Variants in PLXNC1 observed in about 807,000 individuals in gnomAD.
PLXNC1 encodes the protein plexin-C1.
A neutral mutation model predicts 178.2 loss-of-function variants in PLXNC1; 75 were observed. That is an observed-to-expected ratio of 0.42 (90% confidence interval 0.35 to 0.51). The LOEUF (loss-of-function observed/expected upper bound fraction) is 0.51, where lower values mean the gene tolerates loss of function less well. Among genes scored for constraint, PLXNC1 ranks in the 20% least tolerant of loss-of-function variants. The pLI is 0.02. For synonymous variants in PLXNC1, 790 were observed against 779.9 expected (o/e 1.01, Z -0.22); for missense variants, 1,503 against 1,984.4 (o/e 0.76, Z 4.61).
chr12:94,196,407 C>T (rs1036748800), intron 4 of PLXNC1, among the ~76,000 whole-genome samples: 5 of 152,130 alleles, frequency 3.3e-5, no homozygotes, highest in African/African-American at 1.2e-4. Context: ...CACAGTCTTG[C>T]TCCCACCCTA....
At chr12:94,280,798 G>C (rs112425343) in intron 22 of PLXNC1, among the ~76,000 whole-genome samples, 1 of 152,226 alleles carries the variant, frequency 6.6e-6, no homozygotes, top group Non-Finnish European at 1.5e-5. Context: ...TGGTCCTGCC[G>C]CTGATGAGTA....
At chr12:94,280,389 T>C (rs1183838672) in intron 22 of PLXNC1, among the ~76,000 whole-genome samples, 1 of 152,212 alleles carries the variant, frequency 6.6e-6, no homozygotes, top group East Asian at 1.9e-4. Context: ...CGAGGTTCAC[T>C]TCCCCTTGAT....
rs535252510 is a variant in PLXNC1, at chr12:94,186,313, T to G, written c.1339-60T>G. On this transcript the variant is annotated intron_variant, in intron 3 of 30. Coordinates refer to ENST00000258526, the MANE Select transcript of PLXNC1 (RefSeq NM_005761.3). ...TTTTGGCCCTTCATTAGATAAGGTG[T>G]TGTAGTTTTCCTGCTGTTGCTTATA... The G allele has an allele frequency of 4.0e-5, 48 of 1,196,826 alleles. 1 individual carries two copies. The highest frequency in any genetic ancestry group is 3.9e-4 in the African/African-American group (26 of 67,052). The allele number at this position is 1,196,826 out of a possible 1,614,324, so 74.1% of individuals were successfully genotyped here. A position where few individuals can be genotyped will look rare whatever the true frequency, so the allele number is the denominator to read the frequency against.
chr12:94,248,132 G>T (rs746003299), intron 13 of PLXNC1, 26 bp downstream of exon 13: 1 of 1,602,908 alleles, frequency 6.2e-7, no homozygotes, highest in African/African-American at 1.3e-5. Context: ...TTCTGGGTGG[G>T]ATGTCACCCC....
At chr12:94,204,691 C>T (rs1014544903) in intron 4 of PLXNC1, among the ~76,000 whole-genome samples, 8 of 152,118 alleles carry the variant, frequency 5.3e-5, no homozygotes, top group African/African-American at 1.4e-4. Context: ...GAAAGTCCCC[C>T]GATTCTGGAG....
In PLXNC1 at chr12:94,243,929, T is replaced by A; in HGVS notation, c.2301-9T>A. ...ATGAAACCCTTATTGTTGCTTTTAT[T>A]CCTTGCAGTGGTGGTCAAAATATAA... On this transcript the variant is annotated splice_polypyrimidine_tract_variant and intron_variant, in intron 11 of 30. Coordinates refer to ENST00000258526, the MANE Select transcript of PLXNC1 (RefSeq NM_005761.3). The A allele has an allele frequency of 6.7e-7, 1 of 1,488,762 alleles. No homozygotes were observed. The allele number at this position is 1,488,762 out of a possible 1,614,324, so 92.2% of individuals were successfully genotyped here.
intron 22 of PLXNC1, chr12:94,282,000 T>A (rs992924745): frequency 3.2e-6 from 1 of 308,338 alleles, no homozygotes; most frequent in Non-Finnish European, 6.2e-6. Flanking sequence ...TATACAAATT[T>A]GCTTCTGGAA....
At position 94,149,380 on chromosome 12, in the gene PLXNC1, C is replaced by A. The variant is rs917413924; in HGVS notation, c.409C>A (p.Arg137=). The A allele has an allele frequency of 3.5e-6, 5 of 1,425,870 alleles. No individual in the cohort carries two copies. The highest frequency in any genetic ancestry group is 3.6e-6 in the Non-Finnish European group (4 of 1,100,560). 88.3% of individuals were successfully genotyped at this position (1,425,870 alleles called of 1,614,324 possible). Residue 137 remains arginine, a synonymous_variant, in exon 1 of 31, where the codon CGG becomes AGG. Coordinates refer to ENST00000258526, the MANE Select transcript of PLXNC1 (RefSeq NM_005761.3). Reference sequence around the variant, plus strand: ...CTTCGACCGGGGCGCCTGCGAGGTGCGGCCCCTGGGCAACCTGAGCCGCAA... The same window carrying A: ...CTTCGACCGGGGCGCCTGCGAGGTGAGGCCCCTGGGCAACCTGAGCCGCAA... ...WTFDRGACEV[R]PLGNLSRNSL... is the part of the protein sequence containing the mutation.
chr12:94,290,402 G>C (rs1200148789), intron 23 of PLXNC1, among the ~76,000 whole-genome samples: 2 of 152,264 alleles, frequency 1.3e-5, no homozygotes, highest in Non-Finnish European at 2.9e-5. Flanking sequence ...AAGGGGAAAA[G>C]GAGAGGATGC....
intron 9 of PLXNC1, among the ~76,000 whole-genome samples, chr12:94,234,670 G>A (rs1329709155): frequency 6.6e-6 from 1 of 152,202 alleles, no homozygotes; most frequent in African/African-American, 2.4e-5. Flanking sequence ...GACATAGAGT[G>A]AGGGAGGAAT....
chr12:94,170,323 G>A lies in PLXNC1; in HGVS notation c.1203+1030G>A, dbSNP rs78941282. 3.4e-3 allele frequency among the ~76,000 whole-genome samples: 515 copies of A among 152,232 alleles called. 2 individuals carry two copies. The highest frequency in any genetic ancestry group is 0.012 in the African/African-American group (492 of 41,552). On this transcript the variant is annotated intron_variant, in intron 2 of 30. Transcript: ENST00000258526. Reference sequence around the variant, plus strand: ...GTCTCTAATTCTGTCTTCTGCACACGTATTCCCCACCATCCCCATCCCCAA... The same window carrying A: ...GTCTCTAATTCTGTCTTCTGCACACATATTCCCCACCATCCCCATCCCCAA...
At chr12:94,173,533 G>A (rs1472527754) in intron 2 of PLXNC1, among the ~76,000 whole-genome samples, 1 of 152,112 alleles carries the variant, frequency 6.6e-6, no homozygotes, top group African/African-American at 2.4e-5. Context: ...CGGGTTAACT[G>A]GTTTAATCCT....
At chr12:94,163,002 G>A in intron 1 of PLXNC1, among the ~76,000 whole-genome samples, 1 of 152,156 alleles carries the variant, frequency 6.6e-6, no homozygotes, top group East Asian at 1.9e-4. Flanking sequence ...CCATAATGAG[G>A]AGCCATCCCA....
chr12:94,306,595 C>T lies in PLXNC1; in HGVS notation c.*1310C>T, dbSNP rs1383266731. The T allele has an allele frequency of 1.3e-5, 2 of 152,110 alleles. No individual in the cohort carries two copies. The highest frequency in any genetic ancestry group is 6.6e-5 in the Admixed American group (1 of 15,262). 9.4% of individuals were successfully genotyped at this position (152,110 alleles called of 1,614,324 possible). A position where few individuals can be genotyped will look rare whatever the true frequency, so the allele number is the denominator to read the frequency against. On this transcript the variant is annotated 3_prime_UTR_variant, in exon 31 of 31. Transcript: ENST00000258526. ...TCTTGAGCTTTTCTTGTGGCAGGCACCTTTTACCCTTGGTGCTCCAAATCC... is the reference window on the plus strand; with the variant it reads ...TCTTGAGCTTTTCTTGTGGCAGGCATCTTTTACCCTTGGTGCTCCAAATCC...
At chr12:94,297,664 C>T (rs1293810974) in intron 26 of PLXNC1, among the ~76,000 whole-genome samples, 1 of 152,172 alleles carries the variant, frequency 6.6e-6, no homozygotes. Flanking sequence ...ATATTGTTCC[C>T]AGTCTCTTTC....
At chr12:94,157,281 A>ATT (rs1961210434) in intron 1 of PLXNC1, among the ~76,000 whole-genome samples, 2 of 152,156 alleles carry the variant, frequency 1.3e-5, no homozygotes, top group Non-Finnish European at 2.9e-5. Context: ...CCACACCAAG[A>ATT]CCAACATCTT....
intron 4 of PLXNC1, among the ~76,000 whole-genome samples, chr12:94,192,830 A>C (rs771462091): frequency 1.3e-5 from 2 of 152,162 alleles, no homozygotes; most frequent in Non-Finnish European, 2.9e-5. Context: ...ACCTGGCAAA[A>C]ATGTAGTGTG....
chr12:94,234,430 C>T (rs972628677), intron 9 of PLXNC1, among the ~76,000 whole-genome samples: 2 of 152,178 alleles, frequency 1.3e-5, no homozygotes, highest in African/African-American at 4.8e-5. Flanking sequence ...TATAAATCTC[C>T]TAATTAACCA....
intron 4 of PLXNC1, among the ~76,000 whole-genome samples, chr12:94,196,970 C>T (rs1962939083): frequency 6.6e-6 from 1 of 152,178 alleles, no homozygotes; most frequent in Admixed American, 6.5e-5. Flanking sequence ...AGGTCACAAG[C>T]CTGCAGTGGG....
Sources: allele counts gnomAD v4.1 joint callset (sites outside exome capture counted in the v4.1 genomes callset), GRCh38; gene constraint gnomAD v4.1.1; transcripts MANE v1.5; gene names NCBI Gene and HGNC (gene_info 2026-07-23, HGNC 2026-07-21).